DCTN4: variants seen among roughly 807,000 people sequenced by gnomAD.
The protein encoded by DCTN4 is dynactin 4 (p62).
In DCTN4, 23 loss-of-function variants were observed where a neutral mutation model predicts 62.7. That is an observed-to-expected ratio of 0.37 (90% CI 0.26 to 0.52). DCTN4 has a LOEUF of 0.52. Among genes scored for constraint, DCTN4 ranks in the 20% least tolerant of loss-of-function variants. The probability of loss-of-function intolerance (pLI) is 0.92; values close to 1 mark genes in which losing one functional copy is unlikely to be tolerated. For missense variants in DCTN4, 514 were observed against 580.4 expected, an observed-to-expected ratio of 0.89 and a Z score of 1.18; for synonymous variants, 199 against 202.1, an observed-to-expected ratio of 0.98 and a Z score of 0.13.
chr5:150,758,004 T>TA, intron 1 of DCTN4: 1 of 900,640 alleles, frequency 1.1e-6, no homozygotes, highest in Non-Finnish European at 1.3e-6. Context: ...GAAGATTACA[T>TA]AAAGCACATG....
intron 3 of DCTN4, among the ~76,000 whole-genome samples, chr5:150,752,870 A>AT (rs1240255796): frequency 1.4e-3 from 209 of 144,386 alleles, no homozygotes; most frequent in African/African-American, 3.3e-3. Flanking sequence ...ATCTTTAAAG[A>AT]TTTTTTTTTT....
rs1752965252 is a variant in DCTN4, at chr5:150,758,990, C to A, written c.4G>T (p.Ala2Ser). 6.2e-7 allele frequency: 1 copy of A among 1,613,900 alleles called. No individual in the cohort carries two copies. The highest frequency in any genetic ancestry group is 1.1e-5 in the South Asian group (1 of 91,066). M[A>S]SLLQSDRVLY... ...ACCCGGTCCGACTGCAGCAAGGACG[C>A]CATCTTGGGGAGGGAGGAGGCGATG... is the stretch of plus-strand genomic sequence containing the variant. Residue 2 changes from alanine (A) to serine (S), a missense_variant, in exon 1 of 13, where the codon GCG becomes TCG. Transcript: ENST00000447998.
rs6863758 is a variant in DCTN4, at chr5:150,734,418, T to G, written c.430-943A>C. 8.3e-3 allele frequency: 1,269 copies of G among 152,226 alleles called. 16 individuals carry two copies. The highest frequency in any genetic ancestry group is 0.029 in the African/African-American group (1,216 of 41,526). The allele number at this position is 152,226 out of a possible 1,614,324, so 9.4% of individuals were successfully genotyped here. A position where few individuals can be genotyped will look rare whatever the true frequency, so the allele number is the denominator to read the frequency against. ...CCTTACCTAGTGCTGAAACAAAATT[T>G]AGAGAGCCGAGTGAAATATAAAAAT... On this transcript the variant is annotated intron_variant, in intron 4 of 12. Transcript: ENST00000447998.
intron 3 of DCTN4, among the ~76,000 whole-genome samples, chr5:150,746,817 C>A (rs1441718752): frequency 4.6e-5 from 7 of 152,156 alleles, no homozygotes; most frequent in Admixed American, 2.6e-4. Context: ...CTATCACAAA[C>A]CCACAGCCAA....
intron 2 of DCTN4, 33 bp downstream of exon 2, chr5:150,756,384 T>C (rs1156247283): frequency 3.4e-6 from 5 of 1,486,920 alleles, no homozygotes; most frequent in Non-Finnish European, 1.8e-6. Flanking sequence ...TCAAGGAAAA[T>C]AGGAAGAAAA....
chr5:150,754,890 G>A (rs763237366), intron 2 of DCTN4, among the ~76,000 whole-genome samples: 1 of 152,074 alleles, frequency 6.6e-6, no homozygotes, highest in African/African-American at 2.4e-5. Flanking sequence ...TTGAGCCTGG[G>A]AGGTTGAGGT....
At chr5:150,715,449 T>A (rs1397346746) in intron 12 of DCTN4, 116 bp downstream of exon 12, 2 of 746,630 alleles carry the variant, frequency 2.7e-6, no homozygotes, top group East Asian at 5.5e-5. Flanking sequence ...CAATAATTAT[T>A]TTTAGAAACA....
chr5:150,754,758 G>A (rs1752795276), intron 2 of DCTN4, among the ~76,000 whole-genome samples: 1 of 152,192 alleles, frequency 6.6e-6, no homozygotes, highest in Admixed American at 6.5e-5. Context: ...TGAGCCAGGA[G>A]TTCAAGACCA....
At position 150,753,483 on chromosome 5, in the gene DCTN4, A is replaced by C; in HGVS notation, c.381T>G (p.Ser127=). The change falls in exon 3 of 13, where the codon TCT becomes TCG. Residue 127 remains serine, a synonymous_variant. Transcript: ENST00000447998. ...ATTGAAGTCCATCTCACTCACCTAC[A>C]GATTTGTCTGCCATGCCCACATCTC... The part of the protein sequence containing the change: ...TSRDVGMADK[S]VASGGWQEPE... 6.2e-7 allele frequency: 1 copy of C among 1,613,638 alleles called. No individual in the cohort carries two copies. Among genetic ancestry groups the C allele is most frequent in the Non-Finnish European group, 8.5e-7 (1 of 1,179,574 alleles).
chr5:150,758,619 T>A, intron 1 of DCTN4: 3 of 1,254,226 alleles, frequency 2.4e-6, no homozygotes, highest in Non-Finnish European at 3.1e-6. Flanking sequence ...GGTCCCTAAG[T>A]CAAGTTTGTC....
rs199739892 is a variant in DCTN4 at position 150,715,698 on chromosome 5, G to T, written c.1072-36C>A. The T allele has an allele frequency of 7.8e-6, 12 of 1,542,164 alleles. No homozygotes were observed. In the East Asian group the frequency reaches 2.5e-4, roughly 32 times the overall value. On this transcript the variant is annotated intron_variant, in intron 11 of 12. Coordinates refer to ENST00000447998, the MANE Select transcript of DCTN4 (RefSeq NM_016221.4). Reference sequence around the variant, plus strand: ...ACACAGAGAGGCCTGCCTGAGAAGGGACCAGTGTGACAGAATATAGCAAAG... The same window carrying T: ...ACACAGAGAGGCCTGCCTGAGAAGGTACCAGTGTGACAGAATATAGCAAAG...
chr5:150,741,868 C>T (rs1022403161), intron 4 of DCTN4, among the ~76,000 whole-genome samples: 1 of 152,174 alleles, frequency 6.6e-6, no homozygotes, highest in South Asian at 2.1e-4. Flanking sequence ...AAACTTGGTT[C>T]CTTTTCCTGA....
intron 4 of DCTN4, among the ~76,000 whole-genome samples, chr5:150,741,165 A>C (rs911408630): frequency 1.9e-5 from 2 of 107,232 alleles, no homozygotes; most frequent in African/African-American, 5.8e-5. Flanking sequence ...ATCCTGTCTC[A>C]AAAAAAAAAA....
At chr5:150,748,203 C>G (rs1752530406) in intron 3 of DCTN4, among the ~76,000 whole-genome samples, 2 of 151,052 alleles carry the variant, frequency 1.3e-5, no homozygotes, top group South Asian at 4.2e-4. Context: ...TCATCACTGG[C>G]CATCAGAGAA....
chr5:150,753,772 T>A lies in DCTN4; in HGVS notation c.207-115A>T, dbSNP rs139490155. 8.0e-4 allele frequency: 841 copies of A among 1,051,994 alleles called. 3 individuals are homozygous for A. The African/African-American group carries it at 0.01, about 13-fold the overall frequency. The allele number at this position is 1,051,994 out of a possible 1,614,324, so 65.2% of individuals were successfully genotyped here. Reference sequence around the variant, plus strand: ...AAAAAACAGTAACATTCTGCAGGCCTCTTACCAACTTTGCTTTAACAGTTC... The same window carrying A: ...AAAAAACAGTAACATTCTGCAGGCCACTTACCAACTTTGCTTTAACAGTTC... On this transcript the variant is annotated intron_variant, in intron 2 of 12. Transcript: ENST00000447998.
chr5:150,727,648 C>T (rs923388700), intron 8 of DCTN4, among the ~76,000 whole-genome samples: 183 of 151,484 alleles, frequency 1.2e-3, no homozygotes, highest in African/African-American at 4.2e-3. Context: ...TGGTGGCGGG[C>T]GCCTGTAGTC....
chr5:150,744,166 G>A (rs1031288738), intron 3 of DCTN4, among the ~76,000 whole-genome samples: 1 of 152,132 alleles, frequency 6.6e-6, no homozygotes, highest in Non-Finnish European at 1.5e-5. Flanking sequence ...GAGTCGATGC[G>A]ATCAACTGGA....
At chr5:150,715,523 A>C (rs1311890322) in intron 12 of DCTN4, 42 bp downstream of exon 12, 2 of 1,502,728 alleles carry the variant, frequency 1.3e-6, no homozygotes, top group Non-Finnish European at 1.8e-6. Flanking sequence ...GCATTCTATT[A>C]TCAGCCATTT....
Position 150,708,683 on chromosome 5 carries a change from C to T in DCTN4, c.*2466G>A, listed in dbSNP as rs984825793. ...CTCTTAGCCAACTCTCTTAACTTCACGCTTGTCTTTTGGCTCTGAGCCATG... is the reference window on the plus strand; with the variant it reads ...CTCTTAGCCAACTCTCTTAACTTCATGCTTGTCTTTTGGCTCTGAGCCATG... On this transcript the variant is annotated 3_prime_UTR_variant, in exon 13 of 13. Coordinates refer to ENST00000447998, the MANE Select transcript of DCTN4 (RefSeq NM_016221.4). The T allele has an allele frequency of 3.3e-5, 5 of 152,802 alleles. No homozygotes were observed. The highest frequency in any genetic ancestry group is 1.9e-4 in the East Asian group (1 of 5,336). The allele number at this position is 152,802 out of a possible 1,614,324, so 9.5% of individuals were successfully genotyped here. A position where few individuals can be genotyped will look rare whatever the true frequency, so the allele number is the denominator to read the frequency against.
Sources: allele counts gnomAD v4.1 joint callset (sites outside exome capture counted in the v4.1 genomes callset), GRCh38; gene constraint gnomAD v4.1.1; transcripts MANE v1.5; gene names NCBI Gene and HGNC (gene_info 2026-07-23, HGNC 2026-07-21).